Variants in DNAH17 observed in about 807,000 individuals in gnomAD.
DNAH17 encodes the protein axonemal beta dynein heavy chain 17.
DNAH17 carries 376 observed loss-of-function variants against 485.6 expected under a neutral mutation model. The ratio of observed to expected loss-of-function variants is 0.77; its 90% CI spans 0.71 to 0.84. The LOEUF (loss-of-function observed/expected upper bound fraction) is 0.84, where lower values mean the gene tolerates loss of function less well. Among genes scored for constraint, DNAH17 ranks in the 40% least tolerant of loss-of-function variants. DNAH17 has a pLI of 0.00. For missense variants in DNAH17, 6,370 were observed against 5,839.3 expected (o/e 1.09, Z -2.96); for synonymous variants, 3,031 against 2,405.9 (o/e 1.26, Z -7.60).
At chr17:78,490,509 T>A (rs1415740669) in intron 44 of DNAH17, among the ~76,000 whole-genome samples, 190 bp downstream of exon 44, 2 of 151,444 alleles carry the variant, frequency 1.3e-5, no homozygotes, top group Non-Finnish European at 2.9e-5. Flanking sequence ...CCCTGCCTCG[T>A]GTCACTGTGA....
In DNAH17 at chr17:78,572,781, A is replaced by G. The variant is rs2143744581; in HGVS notation, c.459T>C (p.Ser153=). ...GCAAGGTTTTGCCTTTGATCTTGCCACTCATCACAAACATTTCATTCTTCA... is the reference window on the plus strand; with the variant it reads ...GCAAGGTTTTGCCTTTGATCTTGCCGCTCATCACAAACATTTCATTCTTCA... ...HRLKNEMFVM[S]GKIKGKTLLP... Residue 153 remains serine, a synonymous_variant, in exon 3 of 81, where the codon AGT becomes AGC. Coordinates refer to ENST00000389840, the MANE Select transcript of DNAH17 (RefSeq NM_173628.4). 6.2e-7 allele frequency: 1 copy of G among 1,613,672 alleles called. No homozygotes were observed. Among genetic ancestry groups the G allele is most frequent in the Non-Finnish European group, 8.5e-7 (1 of 1,179,818 alleles).
rs1435353351 is a variant in DNAH17 at position 78,494,110 on chromosome 17, C to T, written c.6334G>A (p.Val2112Met). The T allele has an allele frequency of 1.9e-6, 3 of 1,612,708 alleles. No homozygotes were observed. Among genetic ancestry groups the T allele is most frequent in the Non-Finnish European group, 2.5e-6 (3 of 1,179,828 alleles). The change falls in exon 41 of 81, where the codon GTG becomes ATG. Residue 2112 changes from valine to methionine, a missense_variant. By Grantham distance (21) the Val-to-Met change is conservative. Coordinates refer to ENST00000389840, the MANE Select transcript of DNAH17 (RefSeq NM_173628.4). Reference protein sequence around the residue: ...QAEDSFVLKVVQLEELLQVRH... With the variant: ...QAEDSFVLKVMQLEELLQVRH... ...ACCTGCAGCAGCTCCTCCAGCTGCACCACCTTCAGCACGAAGCTGTCCTCC... is the reference window on the plus strand; with the variant it reads ...ACCTGCAGCAGCTCCTCCAGCTGCATCACCTTCAGCACGAAGCTGTCCTCC...
Position 78,562,453 on chromosome 17 carries a change from T to C in DNAH17, c.1570-473A>G, listed in dbSNP as rs77371163. Among the ~76,000 whole-genome samples the C allele has an allele frequency of 6.0e-3, 909 of 152,104 alleles. 22 individuals carry two copies. The highest frequency in any genetic ancestry group is 0.046 in the East Asian group (238 of 5,174). On this transcript the variant is annotated intron_variant, in intron 11 of 80. Transcript: ENST00000389840. The stretch of plus-strand genomic sequence containing the variant: ...AAAAATAAAAAATACAAAGAATACA[T>C]GAAACTAGCGGGGTCCAGTTTTTGT...
intron 17 of DNAH17, among the ~76,000 whole-genome samples, chr17:78,542,853 C>G (rs376041653): frequency 1.3e-5 from 2 of 152,242 alleles, no homozygotes; most frequent in African/African-American, 4.8e-5. Context: ...TGTTACTGTT[C>G]CCTACCCACA....
At chr17:78,483,459 G>C (rs568494198) in intron 48 of DNAH17, among the ~76,000 whole-genome samples, 1 of 151,698 alleles carries the variant, frequency 6.6e-6, no homozygotes, top group Non-Finnish European at 1.5e-5. Context: ...GTTAAGCCCC[G>C]TTTCTACTAA....
chr17:78,498,650 C>G (rs759744649), intron 37 of DNAH17, among the ~76,000 whole-genome samples: 2 of 152,180 alleles, frequency 1.3e-5, no homozygotes, highest in East Asian at 3.8e-4. Flanking sequence ...CTCCCTCTCC[C>G]CCTCCTTTCT....
At chr17:78,438,452 G>GGAGGAGGGAGGA (rs1555651774) in intron 73 of DNAH17, among the ~76,000 whole-genome samples, 3 of 68,274 alleles carry the variant, frequency 4.4e-5, no homozygotes, top group African/African-American at 1.4e-4. Context: ...GGAGGGAGGA[G>GGAGGAGGGAGGA]GGAGGAGGAG....
chr17:78,481,070 C>A lies in DNAH17; in HGVS notation c.7650-284G>T, dbSNP rs1052267713. ...TCAGCCTCCCAAAGTGCTGAGATTA[C>A]AAGTGTGAGCCACCACGCCCGCCCC... On this transcript the variant is annotated intron_variant, in intron 48 of 80. Transcript: ENST00000389840. Among the ~76,000 whole-genome samples, 3 of 134,526 alleles carry A rather than the reference C, an allele frequency of 2.2e-5. No individual in the cohort carries two copies. The Admixed American group carries it at 2.3e-4, about 10-fold the overall frequency. The allele number at this position is 134,526 out of a possible 152,430, so 88.3% of individuals were successfully genotyped here. A position where few individuals can be genotyped will look rare whatever the true frequency, so the allele number is the denominator to read the frequency against.
At position 78,478,620 on chromosome 17, in the gene DNAH17, CCATT is replaced by C. The variant is rs563649606; in HGVS notation, c.7992+401_7992+404del. Among the ~76,000 whole-genome samples the C allele has an allele frequency of 2.3e-4, 16 of 68,730 alleles. No individual in the cohort carries two copies. The East Asian group carries it at 3.2e-3, about 14-fold the overall frequency. 45.1% of individuals were successfully genotyped at this position (68,730 alleles called of 152,430 possible). A position where few individuals can be genotyped will look rare whatever the true frequency, so the allele number is the denominator to read the frequency against. On this transcript the variant is annotated intron_variant, in intron 51 of 80. Coordinates refer to ENST00000389840, the MANE Select transcript of DNAH17 (RefSeq NM_173628.4). ...ACTGTCACCACCACCGTCATCACCCCCATTATTATAATCATTATCACCATTACCA... is the reference window on the plus strand; with the variant it reads ...ACTGTCACCACCACCGTCATCACCCCATTATAATCATTATCACCATTACCA...
Position 78,479,020 on chromosome 17 carries a change from A to G in DNAH17, c.7992+5T>C. The stretch of plus-strand genomic sequence containing the variant: ...AGGCATGACATAAAGCTACAAGAGC[A>G]GTACCTGGAAAATATTGGAGAGGTC... On this transcript the variant is annotated splice_donor_5th_base_variant and intron_variant, in intron 51 of 80. Transcript: ENST00000389840. 6.2e-7 allele frequency: 1 copy of G among 1,613,028 alleles called. No individual in the cohort carries two copies. Among genetic ancestry groups the G allele is most frequent in the Non-Finnish European group, 8.5e-7 (1 of 1,179,124 alleles).
chr17:78,458,722 G>A, intron 61 of DNAH17, 42 bp from the exon 62 acceptor site: 2 of 1,533,788 alleles, frequency 1.3e-6, no homozygotes, highest in Non-Finnish European at 1.8e-6. Flanking sequence ...ACCCCACGAG[G>A]CATCTCTAGC....
Position 78,434,164 on chromosome 17 carries a change from C to T in DNAH17, c.12090G>A (p.Leu4030=), listed in dbSNP as rs2086786028. The T allele has an allele frequency of 6.2e-7, 1 of 1,613,600 alleles. No individual in the cohort carries two copies. The highest frequency in any genetic ancestry group is 2.2e-5 in the East Asian group (1 of 44,886). ...CTGCCACCACAGCGTGGAAGTAGCA[C>T]AGGGCGAAGAGCATGCACTTGAACT... ...EMEFKCMLFA[L]CYFHAVVAER... Residue 4030 remains leucine, a synonymous_variant, in exon 75 of 81, where the codon CTG becomes CTA. Coordinates refer to ENST00000389840, the MANE Select transcript of DNAH17 (RefSeq NM_173628.4).
chr17:78,458,807 T>C (rs1303210912), intron 61 of DNAH17, 127 bp from the exon 62 acceptor site: 3 of 1,062,616 alleles, frequency 2.8e-6, no homozygotes, highest in African/African-American at 3.1e-5. Flanking sequence ...CTGAGAGCCC[T>C]CTGGAGCATG....
At chr17:78,428,292 A>T in intron 77 of DNAH17, 1 of 579,602 alleles carries the variant, frequency 1.7e-6, no homozygotes, top group Admixed American at 2.8e-5. Context: ...ACCCCCAAGG[A>T]TCCCTTTTGT....
intron 54 of DNAH17, among the ~76,000 whole-genome samples, chr17:78,471,409 T>C (rs576665433): frequency 6.6e-6 from 1 of 152,374 alleles, no homozygotes; most frequent in Non-Finnish European, 1.5e-5. Context: ...AGGAGCGTAG[T>C]GTGAGAGCCA....
chr17:78,445,809 G>T (rs796199425), intron 69 of DNAH17, 129 bp from the exon 70 acceptor site: 1 of 1,000,242 alleles, frequency 1.0e-6, no homozygotes, highest in Non-Finnish European at 1.5e-6. Flanking sequence ...CTGCCCCTTT[G>T]GTTTGGGGTA....
chr17:78,434,424 G>T (rs909922433), intron 74 of DNAH17, among the ~76,000 whole-genome samples: 1 of 152,174 alleles, frequency 6.6e-6, no homozygotes, highest in Non-Finnish European at 1.5e-5. Flanking sequence ...CGATCTTCTT[G>T]TTCCTTTCAG....
At chr17:78,575,131 A>G (rs1055428351) in intron 1 of DNAH17, 49 bp from the exon 2 acceptor site, 26 of 1,222,946 alleles carry the variant, frequency 2.1e-5, no homozygotes, top group Admixed American at 1.0e-4. Context: ...GGGCTCCCCA[A>G]TTTCCCACCC....
At chr17:78,509,959 G>C (rs993831707) in intron 27 of DNAH17, among the ~76,000 whole-genome samples, 1 of 152,114 alleles carries the variant, frequency 6.6e-6, no homozygotes, top group Non-Finnish European at 1.5e-5. Flanking sequence ...AGGCGAGCGG[G>C]TCAGTTGAAG....
Sources: allele counts gnomAD v4.1 joint callset (sites outside exome capture counted in the v4.1 genomes callset), GRCh38; gene constraint gnomAD v4.1.1; transcripts MANE v1.5; gene names NCBI Gene and HGNC (gene_info 2026-07-23, HGNC 2026-07-21).